The following WDTC1 variants were observed in gnomAD, a reference collection of about 807,000 sequenced individuals.
The protein encoded by WDTC1 is WD and tetratricopeptide repeats 1.
WDTC1 carries 12 observed loss-of-function variants against 76.0 expected under a neutral mutation model. The ratio of observed to expected loss-of-function variants is 0.16; its 90% CI spans 0.10 to 0.26. The LOEUF (loss-of-function observed/expected upper bound fraction) is 0.26. Among genes scored for constraint, WDTC1 ranks in the 10% least tolerant of loss-of-function variants. The pLI, the probability that WDTC1 is intolerant of heterozygous loss-of-function variation, is 1.00. For missense variants in WDTC1, 511 were observed against 908.8 expected (o/e 0.56, Z 5.63); for synonymous variants, 326 against 350.8 (o/e 0.93, Z 0.79).
At chr1:27,263,085 T>A in intron 2 of WDTC1, 67 bp from the exon 3 acceptor site, 1 of 1,559,906 alleles carries the variant, frequency 6.4e-7, no homozygotes, top group Non-Finnish European at 8.8e-7. Context: ...GCTGGATATA[T>A]AATAGGCACA....
At chr1:27,260,131 G>A (rs1202371959) in intron 1 of WDTC1, among the ~76,000 whole-genome samples, 1 of 152,100 alleles carries the variant, frequency 6.6e-6, no homozygotes, top group Non-Finnish European at 1.5e-5. Context: ...TCGAGATGGA[G>A]TCTCGCTCTG....
At position 27,301,289 on chromosome 1, in the gene WDTC1, C is replaced by T. The variant is rs372119970; in HGVS notation, c.1296C>T (p.His432=). 6.2e-7 allele frequency: 1 copy of T among 1,614,194 alleles called. No individual in the cohort carries two copies. Among genetic ancestry groups the T allele is most frequent in the Non-Finnish European group, 8.5e-7 (1 of 1,180,040 alleles). ...AGGCCATCTCCCTAAACCCATGCCA[C>T]CTGAAGGCACACTTTCGCCTGGCCC... The part of the protein sequence containing the change: ...CLKAISLNPC[H]LKAHFRLARC... The change falls in exon 13 of 16, where the codon CAC becomes CAT. Residue 432 remains histidine, a synonymous_variant. Transcript: ENST00000319394. This position sits in a 1 kb window ranked among gnomAD's most constrained non-coding sequence, Gnocchi z 5.8.
At chr1:27,287,400 C>T (rs1010549887) in intron 5 of WDTC1, among the ~76,000 whole-genome samples, 1 of 151,936 alleles carries the variant, frequency 6.6e-6, no homozygotes, top group Non-Finnish European at 1.5e-5. Flanking sequence ...GAGACAGTCT[C>T]GCTCTGTTGC....
intron 2 of WDTC1, among the ~76,000 whole-genome samples, chr1:27,261,773 T>C (rs2147932506): frequency 6.6e-6 from 1 of 152,304 alleles, no homozygotes; most frequent in South Asian, 2.1e-4. Context: ...TAACTAACTA[T>C]AGGTCTTTAG....
chr1:27,276,375 C>T (rs150385889), intron 3 of WDTC1, among the ~76,000 whole-genome samples: 42 of 152,286 alleles, frequency 2.8e-4, no homozygotes, highest in African/African-American at 8.9e-4. Flanking sequence ...TTGTCTGCAT[C>T]CTTGCCAACA....
chr1:27,249,287 T>C (rs1466984751), intron 1 of WDTC1, among the ~76,000 whole-genome samples: 1 of 147,268 alleles, frequency 6.8e-6, no homozygotes, highest in African/African-American at 2.5e-5. Flanking sequence ...AAAAGCCATA[T>C]CCTTTAGCTG....
At chr1:27,276,520 C>G (rs191848368) in intron 3 of WDTC1, among the ~76,000 whole-genome samples, 1 of 151,888 alleles carries the variant, frequency 6.6e-6, no homozygotes, top group Non-Finnish European at 1.5e-5. Context: ...CAGTGAAACC[C>G]CATCTCTACT....
chr1:27,298,493 T>C (rs966443857), intron 12 of WDTC1, among the ~76,000 whole-genome samples: 2 of 151,844 alleles, frequency 1.3e-5, no homozygotes, highest in African/African-American at 4.8e-5. Flanking sequence ...AAATGAGGGG[T>C]TTGGTGAATT....
intron 11 of WDTC1, 77 bp from the exon 12 acceptor site, chr1:27,297,852 GTGGCCCTCA>G (rs2013733253): frequency 1.4e-6 from 2 of 1,404,158 alleles, no homozygotes; most frequent in Admixed American, 2.5e-5. Context: ...GAAAATCTGG[GTGGCCCTCA>G]GGCCATGTTA....
intron 12 of WDTC1, among the ~76,000 whole-genome samples, chr1:27,300,749 G>A (rs762035606): frequency 2.6e-5 from 4 of 152,158 alleles, no homozygotes; most frequent in Non-Finnish European, 5.9e-5. Flanking sequence ...CAGACCCTGC[G>A]TCCCCAGCCT....
At chr1:27,251,687 G>A (rs558940908) in intron 1 of WDTC1, among the ~76,000 whole-genome samples, 1 of 152,088 alleles carries the variant, frequency 6.6e-6, no homozygotes, top group Non-Finnish European at 1.5e-5. Flanking sequence ...GCTGGGAATG[G>A]TGGTGCATGC....
At chr1:27,288,885 GGTGGCC>G (rs2013426146) in intron 6 of WDTC1, among the ~76,000 whole-genome samples, 1 of 152,180 alleles carries the variant, frequency 6.6e-6, no homozygotes, top group Non-Finnish European at 1.5e-5. Flanking sequence ...CAGACGGGGT[GGTGGCC>G]AGGCAGAGGG....
At chr1:27,248,442 G>A (rs1335488618) in intron 1 of WDTC1, among the ~76,000 whole-genome samples, 2 of 152,150 alleles carry the variant, frequency 1.3e-5, no homozygotes, top group African/African-American at 4.8e-5. Flanking sequence ...TTGGCCACAT[G>A]TATGTCTTCT....
chr1:27,299,118 A>G (rs1264385405), intron 12 of WDTC1, among the ~76,000 whole-genome samples: 6 of 151,958 alleles, frequency 3.9e-5, no homozygotes, highest in Non-Finnish European at 8.8e-5. Context: ...GTCCTCATCC[A>G]GGCTGTAGGC....
chr1:27,286,887 G>T (rs546245639), intron 5 of WDTC1, among the ~76,000 whole-genome samples: 5 of 152,130 alleles, frequency 3.3e-5, no homozygotes, highest in East Asian at 3.9e-4. Flanking sequence ...TCCCAACAGG[G>T]CATTCTGGCT....
intron 1 of WDTC1, 34 bp downstream of exon 1, chr1:27,234,985 G>A (rs2011463591): frequency 1.3e-5 from 5 of 384,340 alleles, no homozygotes; most frequent in Non-Finnish European, 2.3e-5. Flanking sequence ...CCCTCCGCGG[G>A]CGCCGAGGCG....
At position 27,274,155 on chromosome 1, in the gene WDTC1, G is replaced by C. The variant is rs2012956282; in HGVS notation, c.133-8084G>C. ...AAAATACAAAAATTAACCAGGTGTG[G>C]TGGTGTGTGCTTGTACTCCCAGCTA... On this transcript the variant is annotated intron_variant, in intron 3 of 15. Coordinates refer to ENST00000319394, the MANE Select transcript of WDTC1 (RefSeq NM_001276252.2). This position sits in a 1 kb window ranked among gnomAD's most constrained non-coding sequence, Gnocchi z 4.2. Among the ~76,000 whole-genome samples the C allele has an allele frequency of 1.3e-5, 2 of 150,516 alleles. No homozygotes were observed. The highest frequency in any genetic ancestry group is 4.9e-5 in the African/African-American group (2 of 40,882).
intron 3 of WDTC1, among the ~76,000 whole-genome samples, chr1:27,263,907 A>G (rs533139113): frequency 6.6e-6 from 1 of 152,194 alleles, no homozygotes; most frequent in Admixed American, 6.6e-5. Flanking sequence ...ATACATATAC[A>G]CATAATGTAT....
At chr1:27,253,315 G>A (rs1263326397) in intron 1 of WDTC1, among the ~76,000 whole-genome samples, 3 of 148,954 alleles carry the variant, frequency 2.0e-5, no homozygotes, top group Non-Finnish European at 4.5e-5. Context: ...GCGCCCGGCC[G>A]GCCTCCTCTC....
Sources: gnomAD v4.1 joint callset for allele counts (sites outside exome capture counted in the v4.1 genomes callset) on GRCh38, gnomAD v4.1.1 for gene constraint, Gnocchi (gnomAD v3.1) non-coding constraint, MANE v1.5 for transcripts, NCBI Gene and HGNC (gene_info 2026-07-23, HGNC 2026-07-21) for gene names.